Variants in MYBBP1A observed in about 807,000 individuals in gnomAD.
The protein encoded by MYBBP1A is myb-binding protein 1A.
In MYBBP1A, 147 loss-of-function variants were observed where a neutral mutation model predicts 136.3. That is an observed-to-expected ratio of 1.08 (90% confidence interval 0.94 to 1.24). The LOEUF is 1.24. MYBBP1A is among the 50% of genes most tolerant of loss of function. MYBBP1A has a pLI of 0.00. For missense variants in MYBBP1A, 2,060 were observed against 1,727.4 expected (o/e 1.19, Z -3.41); for synonymous variants, 947 against 735.8 (o/e 1.29, Z -4.65).
In MYBBP1A at chr17:4,540,115, A is replaced by AG. The variant is rs1438641050; in HGVS notation, c.3435-149dup. 6.7e-6 allele frequency: 8 copies of AG among 1,188,960 alleles called. No homozygotes were observed. The East Asian group carries it at 1.7e-4, about 25-fold the overall frequency. The allele number at this position is 1,188,960 out of a possible 1,614,324, so 73.7% of individuals were successfully genotyped here. On this transcript the variant is annotated intron_variant, in intron 25 of 25. Coordinates refer to ENST00000254718, the MANE Select transcript of MYBBP1A (RefSeq NM_014520.4). ...ATGAGGGTCCCGTGAGGGTCCTATG[A>AG]GGGTCCTGCGAGGCCCCTGGGTCCT...
At chr17:4,540,250 C>A in intron 25 of MYBBP1A, 98 bp downstream of exon 25, 1 of 1,428,318 alleles carries the variant, frequency 7.0e-7, no homozygotes. Context: ...GTGCAGTGTG[C>A]GTGTGCAGCA....
Position 4,552,031 on chromosome 17 carries a change from C to A in MYBBP1A, c.906-34G>T. On this transcript the variant is annotated intron_variant, in intron 7 of 25. Transcript: ENST00000254718. The surrounding 1 kb of genome is among the most constrained non-coding windows in gnomAD (Gnocchi z 4.7). ...GGTGCAGGACAGAGCCTGGTCAGAG[C>A]CCTTGGTGCCCCTGGTGGGAACCTC... The A allele has an allele frequency of 1.3e-6, 2 of 1,595,226 alleles. No homozygotes were observed. The highest frequency in any genetic ancestry group is 2.2e-5 in the East Asian group (1 of 44,566).
chr17:4,548,595 AG>A lies in MYBBP1A; in HGVS notation c.1484del (p.Pro495LeufsTer59), dbSNP rs748832290. 3 of 1,614,216 alleles carry A rather than the reference AG, an allele frequency of 1.9e-6. No homozygotes were observed. The part of the protein sequence containing the change: ...FVTKKPTSQI[P>X]ETKHPFSFPL... ...GGAAGGAGAACGGGTGCTTTGTCTC[AG>A]GGATCTGGGATGTGGGCTTCTTTGT... On this transcript the variant is annotated frameshift_variant, in exon 11 of 26. Coordinates refer to ENST00000254718, the MANE Select transcript of MYBBP1A (RefSeq NM_014520.4). LOFTEE classifies it high-confidence loss of function. This position sits in a 1 kb window ranked among gnomAD's most constrained non-coding sequence, Gnocchi z 4.2.
rs1907944132 is a variant in MYBBP1A at position 4,555,381 on chromosome 17, G to T, written c.-57C>A. 6.5e-7 allele frequency: 1 copy of T among 1,548,064 alleles called. No homozygotes were observed. On this transcript the variant is annotated 5_prime_UTR_variant, in exon 1 of 26. The change creates a new upstream start codon in the 5' untranslated region. Transcript: ENST00000254718. Reference sequence around the variant, plus strand: ...TGTGCTCCGGCCCCAGCCGCTTCCAGGTCAGGGCACGGCGCATGCGCACCG... The same window carrying T: ...TGTGCTCCGGCCCCAGCCGCTTCCATGTCAGGGCACGGCGCATGCGCACCG...
Position 4,539,541 on chromosome 17 carries a change from C to T in MYBBP1A, c.3861G>A (p.Leu1287=). The T allele has an allele frequency of 1.2e-6, 2 of 1,614,112 alleles. No individual in the cohort carries two copies. Among genetic ancestry groups the T allele is most frequent in the Non-Finnish European group, 1.7e-6 (2 of 1,180,016 alleles). ...CCAGCGCGGACAGTGGTGATTTGCCCAAGACCCCCTTTTTGGGAAGAGCCT... is the reference window on the plus strand; with the variant it reads ...CCAGCGCGGACAGTGGTGATTTGCCTAAGACCCCCTTTTTGGGAAGAGCCT... ...HQKALPKKGV[L]GKSPLSALAR... The change falls in exon 26 of 26, where the codon TTG becomes TTA. Residue 1287 remains leucine, a synonymous_variant. Coordinates refer to ENST00000254718, the MANE Select transcript of MYBBP1A (RefSeq NM_014520.4).
At chr17:4,553,587 C>T (rs570698703) in intron 5 of MYBBP1A, among the ~76,000 whole-genome samples, 44 of 152,320 alleles carry the variant, frequency 2.9e-4, no homozygotes, top group African/African-American at 5.1e-4. Context: ...TACCAATGCA[C>T]ACTGAAATAA....
Position 4,551,892 on chromosome 17 carries a change from C to T in MYBBP1A, c.1011G>A (p.Val337=), listed in dbSNP as rs1218949501. The T allele has an allele frequency of 6.8e-6, 11 of 1,613,262 alleles. No individual in the cohort carries two copies. The highest frequency in any genetic ancestry group is 8.5e-6 in the Non-Finnish European group (10 of 1,179,860). Residue 337 remains valine (V), a synonymous_variant, in exon 8 of 26, where the codon GTG becomes GTA. Coordinates refer to ENST00000254718, the MANE Select transcript of MYBBP1A (RefSeq NM_014520.4). ...GDVIRHYGEH[V]CTAKLPKQFK... is the part of the protein sequence containing the mutation. ...GGGCATTACCCACCTTAGCAGTGCA[C>T]ACGTGCTCCCCGTAATGGCGGATCA... is the stretch of plus-strand genomic sequence containing the variant.
rs117020731 is a variant in MYBBP1A at position 4,554,961 on chromosome 17, G to A, written c.199-5C>T. On this transcript the variant is annotated splice_polypyrimidine_tract_variant and splice_region_variant and intron_variant, in intron 1 of 25. Transcript: ENST00000254718. ...GGCATATTTCATCTCGGACCCCTGC[G>A]GAACCAAGCACACCCTCGTGTTCAA... 6.4e-3 allele frequency: 10,272 copies of A among 1,613,278 alleles called. 49 individuals carry two copies. Among genetic ancestry groups the A allele is most frequent in the Non-Finnish European group, 8.0e-3 (9,388 of 1,179,958 alleles).
At chr17:4,542,108 G>A (rs993195261) in intron 22 of MYBBP1A, 10 of 591,874 alleles carry the variant, frequency 1.7e-5, no homozygotes, top group South Asian at 1.4e-4. Flanking sequence ...CTCAGGTTGG[G>A]ACAATTCCTG....
chr17:4,552,299 A>G lies in MYBBP1A; in HGVS notation c.738-7T>C. The G allele has an allele frequency of 3.1e-6, 5 of 1,613,804 alleles. No homozygotes were observed. The highest frequency in any genetic ancestry group is 4.2e-6 in the Non-Finnish European group (5 of 1,179,966). On this transcript the variant is annotated splice_polypyrimidine_tract_variant and splice_region_variant and intron_variant, in intron 6 of 25. Coordinates refer to ENST00000254718, the MANE Select transcript of MYBBP1A (RefSeq NM_014520.4). This position sits in a 1 kb window ranked among gnomAD's most constrained non-coding sequence, Gnocchi z 4.7. ...CTTCAGCACATTCACCAGCCTGCGG[A>G]GGGCAAGGGACTCAGGGAACACTTG...
chr17:4,553,741 T>C, intron 5 of MYBBP1A, 69 bp downstream of exon 5: 1 of 1,192,854 alleles, frequency 8.4e-7, no homozygotes, highest in Non-Finnish European at 1.2e-6. Context: ...TTCCAGATTC[T>C]CATCCGAGCC....
At position 4,548,122 on chromosome 17, in the gene MYBBP1A, C is replaced by A. The variant is rs755999300; in HGVS notation, c.1724+21G>T. The A allele has an allele frequency of 1.2e-6, 2 of 1,604,202 alleles. No individual in the cohort carries two copies. The highest frequency in any genetic ancestry group is 1.7e-4 in the Middle Eastern group (1 of 6,054). ...CAGACTGCAGCGTCCTGCCCACCCC[C>A]TGGAAATCCCACGTGCTCACCGGTC... is the stretch of plus-strand genomic sequence containing the variant. On this transcript the variant is annotated intron_variant, in intron 12 of 25. Coordinates refer to ENST00000254718, the MANE Select transcript of MYBBP1A (RefSeq NM_014520.4). This position sits in a 1 kb window ranked among gnomAD's most constrained non-coding sequence, Gnocchi z 4.2.
rs371524615 is a variant in MYBBP1A at position 4,554,908 on chromosome 17, C to T, written c.247G>A (p.Val83Ile). 12 of 1,613,496 alleles carry T rather than the reference C, an allele frequency of 7.4e-6. No individual in the cohort carries two copies. Among genetic ancestry groups the T allele is most frequent in the Non-Finnish European group, 1.0e-5 (12 of 1,180,042 alleles). The change falls in exon 2 of 26, where the codon GTC becomes ATC. Residue 83 changes from valine (V) to isoleucine (I), a missense_variant. Physicochemically the swap from Val to Ile is conservative, Grantham distance 29. Coordinates refer to ENST00000254718, the MANE Select transcript of MYBBP1A (RefSeq NM_014520.4). ...CAGGGCCGGGCTGTTTCTCGCCCGA[C>T]CCCGAGTCCCGTGATTAGACGCTTC... ...ALKRLITGLG[V>I]GRETARPCYS...
rs1376429192 is a variant in MYBBP1A at position 4,539,341 on chromosome 17, G to A, written c.*74C>T. On this transcript the variant is annotated 3_prime_UTR_variant, in exon 26 of 26. Transcript: ENST00000254718. ...AAACAGCTTGCGTATTAAAATCATG[G>A]TTTAAAAAAAAAAAAAAAAAATAGG... is the stretch of plus-strand genomic sequence containing the variant. 4.8e-6 allele frequency: 6 copies of A among 1,258,362 alleles called. No individual in the cohort carries two copies. The highest frequency in any genetic ancestry group is 4.7e-5 in the African/African-American group (3 of 64,478). 77.9% of individuals were successfully genotyped at this position (1,258,362 alleles called of 1,614,324 possible). A position where few individuals can be genotyped will look rare whatever the true frequency, so the allele number is the denominator to read the frequency against.
In MYBBP1A at chr17:4,548,686, G is replaced by A; in HGVS notation, c.1431-37C>T. ...GGGAGAGTGGCCATAGCCATTCACT[G>A]CCATTGGTTTTTACAGGCTCCCCTC... On this transcript the variant is annotated intron_variant, in intron 10 of 25. Coordinates refer to ENST00000254718, the MANE Select transcript of MYBBP1A (RefSeq NM_014520.4). This position sits in a 1 kb window ranked among gnomAD's most constrained non-coding sequence, Gnocchi z 4.2. The A allele has an allele frequency of 1.2e-6, 2 of 1,613,030 alleles. No homozygotes were observed. The highest frequency in any genetic ancestry group is 1.1e-5 in the South Asian group (1 of 91,020).
intron 2 of MYBBP1A, 72 bp downstream of exon 2, chr17:4,554,789 C>T: frequency 6.8e-7 from 1 of 1,461,306 alleles, no homozygotes; most frequent in Non-Finnish European, 9.4e-7. Context: ...AGCTGAGACA[C>T]CACACCCGCC....
In MYBBP1A at chr17:4,552,527, C is replaced by T. The variant is rs765607407; in HGVS notation, c.661G>A (p.Ala221Thr). The T allele has an allele frequency of 1.2e-6, 2 of 1,613,940 alleles. No homozygotes were observed. Among genetic ancestry groups the T allele is most frequent in the Non-Finnish European group, 1.7e-6 (2 of 1,180,026 alleles). ...AGCTTGGAGGGCACCTTCTGCTGGG[C>T]CAGGAGGAAGAGCTCTAGCTGTTCA... ...SPEQLELFLL[A>T]QQKVPSKLKK... The change falls in exon 6 of 26, where the codon GCC becomes ACC. Residue 221 changes from alanine (A) to threonine (T), a missense_variant. Coordinates refer to ENST00000254718, the MANE Select transcript of MYBBP1A (RefSeq NM_014520.4). This position sits in a 1 kb window ranked among gnomAD's most constrained non-coding sequence, Gnocchi z 4.7.
intron 13 of MYBBP1A, 182 bp downstream of exon 13, chr17:4,547,776 G>A: frequency 1.8e-6 from 1 of 540,810 alleles, no homozygotes; most frequent in Non-Finnish European, 3.2e-6. Context: ...ACACCAGCTG[G>A]TGCCGCTAAG....
In MYBBP1A at chr17:4,542,807, G is replaced by A. The variant is rs896541565; in HGVS notation, c.2893-66C>T. ...GGTCCCTGGGATGGGAGCAGAGCCT[G>A]GCCTACCTTCATCAGAAGGCTGAGG... On this transcript the variant is annotated intron_variant, in intron 20 of 25. Transcript: ENST00000254718. 8 of 1,602,516 alleles carry A rather than the reference G, an allele frequency of 5.0e-6. No individual in the cohort carries two copies. In the African/African-American group the frequency reaches 9.4e-5, roughly 19 times the overall value.
Sources: gnomAD v4.1 joint callset for allele counts (sites outside exome capture counted in the v4.1 genomes callset) on GRCh38, gnomAD v4.1.1 for gene constraint, Gnocchi (gnomAD v3.1) non-coding constraint, MANE v1.5 for transcripts, NCBI Gene and HGNC (gene_info 2026-07-23, HGNC 2026-07-21) for gene names.